The following PCNX2 variants were observed in gnomAD, a reference collection of about 807,000 sequenced individuals.
PCNX2 encodes pecanex-like protein 2.
Under a neutral mutation model 223.8 loss-of-function variants are expected in PCNX2, and 168 were observed. The ratio of observed to expected loss-of-function variants is 0.75; its 90% CI spans 0.66 to 0.85. PCNX2 has a LOEUF of 0.85. PCNX2 is among the 40% of genes least tolerant of loss of function. PCNX2 has a pLI of 0.00. For missense variants in PCNX2, 2,507 were observed against 2,675.5 expected, an observed-to-expected ratio of 0.94 and a Z score of 1.39; for synonymous variants, 1,006 against 1,052.6, an observed-to-expected ratio of 0.96 and a Z score of 0.86.
chr1:233,028,339 T>C (rs549462338), intron 25 of PCNX2, among the ~76,000 whole-genome samples: 1 of 152,374 alleles, frequency 6.6e-6, no homozygotes, highest in Non-Finnish European at 1.5e-5. Flanking sequence ...GTTAATGTGT[T>C]CAACTATAAT....
intron 5 of PCNX2, among the ~76,000 whole-genome samples, chr1:233,256,803 G>A (rs913628452): frequency 3.9e-5 from 6 of 152,112 alleles, no homozygotes; most frequent in Non-Finnish European, 5.9e-5. Context: ...TTTATATACC[G>A]CCCTGTCTGT....
At chr1:233,298,660 G>A (rs1438396899), upstream of PCNX2, among the ~76,000 whole-genome samples, 6 of 152,110 alleles carry the variant, frequency 3.9e-5, no homozygotes, top group East Asian at 1.9e-4. Context: ...AGGCCGAGGC[G>A]GGTGGATCAC....
At chr1:233,235,974 A>AT (rs1558376642) in intron 9 of PCNX2, among the ~76,000 whole-genome samples, 1 of 144,116 alleles carries the variant, frequency 6.9e-6, no homozygotes, top group African/African-American at 2.5e-5. Flanking sequence ...ATATATATAT[A>AT]TATATATATA....
At position 233,202,218 on chromosome 1, in the gene PCNX2, TAAA is replaced by T. The variant is rs1345455749; in HGVS notation, c.2864-1957_2864-1955del. 1.1e-5 allele frequency: 5 copies of T among 468,370 alleles called. No individual in the cohort carries two copies. In the East Asian group the frequency reaches 3.5e-4, roughly 33 times the overall value. 29.0% of individuals were successfully genotyped at this position (468,370 alleles called of 1,614,324 possible). ...ATTTTGTCCTTTTTTTTTTCAGAAG[TAAA>T]AAAGTCTTTGTGGCTGTTCATAATT... is the stretch of plus-strand genomic sequence containing the variant. On this transcript the variant is annotated intron_variant, in intron 13 of 33. Transcript: ENST00000258229.
intron 13 of PCNX2, 70 bp from the exon 14 acceptor site, chr1:233,200,334 T>G: frequency 9.5e-7 from 1 of 1,053,452 alleles, no homozygotes; most frequent in Non-Finnish European, 1.4e-6. Flanking sequence ...GCTGCAGTGC[T>G]GTCTCTCTCC....
chr1:233,320,830 C>T, the PCNX2 span, among the ~76,000 whole-genome samples: 25 of 152,114 alleles, frequency 1.6e-4, no homozygotes, highest in Admixed American at 1.3e-3. Flanking sequence ...GATATCACTA[C>T]CAATCTTATC....
chr1:233,025,124 T>A, intron 26 of PCNX2, 22 bp downstream of exon 26: 3 of 1,612,586 alleles, frequency 1.9e-6, no homozygotes, highest in Non-Finnish European at 2.5e-6. Flanking sequence ...CTGCCTTAGG[T>A]GTTTGGGAAA....
chr1:233,324,040 A>G, the PCNX2 span, among the ~76,000 whole-genome samples: 1 of 152,252 alleles, frequency 6.6e-6, no homozygotes, highest in East Asian at 1.9e-4. Context: ...GCTGATATGA[A>G]GAAAATTTTA....
At chr1:233,213,892 G>A (rs953474105) in intron 12 of PCNX2, among the ~76,000 whole-genome samples, 3 of 131,726 alleles carry the variant, frequency 2.3e-5, no homozygotes, top group Admixed American at 8.8e-5. Flanking sequence ...GTAGTGGCGC[G>A]ATCTTGGCTC....
intron 25 of PCNX2, among the ~76,000 whole-genome samples, chr1:233,028,343 C>G (rs1334813542): frequency 6.6e-6 from 1 of 152,170 alleles, no homozygotes; most frequent in Non-Finnish European, 1.5e-5. Context: ...ATGTGTTCAA[C>G]TATAATTGTA....
chr1:233,201,021 G>A (rs1294244161), intron 13 of PCNX2, among the ~76,000 whole-genome samples: 2 of 100,968 alleles, frequency 2.0e-5, no homozygotes, highest in East Asian at 3.4e-4. Flanking sequence ...GCAAGACTCC[G>A]TCTCAAAAAA....
At chr1:233,289,069 C>T (rs964990210) in intron 1 of PCNX2, 19 of 1,107,998 alleles carry the variant, frequency 1.7e-5, no homozygotes, top group Admixed American at 3.4e-5. Context: ...AGGATGGCAT[C>T]GTGCACAGCT....
At position 232,984,165 on chromosome 1, in the gene PCNX2, G is replaced by C; in HGVS notation, c.*139C>G. 1 of 339,348 alleles carries C rather than the reference G, an allele frequency of 2.9e-6. No homozygotes were observed. Among genetic ancestry groups the C allele is most frequent in the Non-Finnish European group, 4.8e-6 (1 of 208,490 alleles). 21.0% of individuals were successfully genotyped at this position (339,348 alleles called of 1,614,324 possible). On this transcript the variant is annotated 3_prime_UTR_variant, in exon 34 of 34. Transcript: ENST00000258229. ...AACCTGAGATCAGTTCTGTGTTCTG[G>C]AACAGCTCTCCTTTTCCACAGGAGG...
At chr1:233,203,441 C>G (rs1681249335) in intron 13 of PCNX2, among the ~76,000 whole-genome samples, 1 of 152,018 alleles carries the variant, frequency 6.6e-6, no homozygotes, top group African/African-American at 2.4e-5. Flanking sequence ...AATATTTTTT[C>G]TTATAATGAA....
intron 23 of PCNX2, among the ~76,000 whole-genome samples, chr1:233,075,836 C>T (rs1673073895): frequency 6.6e-6 from 1 of 151,984 alleles, no homozygotes; most frequent in African/African-American, 2.4e-5. Flanking sequence ...CGTGCTTACA[C>T]CTTAAATTAG....
chr1:233,310,718 G>T, the PCNX2 span, among the ~76,000 whole-genome samples: 7 of 152,246 alleles, frequency 4.6e-5, no homozygotes, highest in African/African-American at 1.7e-4. Flanking sequence ...AAGAAAAGAG[G>T]TTTATTTGGC....
chr1:233,289,128 T>G, intron 1 of PCNX2: 1 of 893,238 alleles, frequency 1.1e-6, no homozygotes, highest in Non-Finnish European at 1.9e-6. Context: ...TGTACAGCTT[T>G]TCCAAGTTGG....
chr1:233,020,065 T>G (rs992320144), intron 26 of PCNX2, among the ~76,000 whole-genome samples: 10 of 152,216 alleles, frequency 6.6e-5, no homozygotes, highest in Non-Finnish European at 1.2e-4. Flanking sequence ...AGACAAAAGT[T>G]TACGTTTTCA....
Position 233,200,174 on chromosome 1 carries a change from A to T in PCNX2, c.2954T>A (p.Met985Lys), listed in dbSNP as rs1369953583. The stretch of plus-strand genomic sequence containing the variant: ...CTTACCAGAACCACCAAAAAACAGC[A>T]TGTCAATTTGCTCCAAAAGATAAGT... ...FCTYLLEQID[M>K]LFFGGSAVSG... is the part of the protein sequence containing the mutation. The change falls in exon 14 of 34, where the codon ATG becomes AAG. Residue 985 changes from methionine (M) to lysine (K), a missense_variant. Around this residue, in one of 3 missense-constraint regions of PCNX2, gnomAD observed 1,372 missense variants for 1,509.4 expected, o/e 0.91. Transcript: ENST00000258229. The T allele has an allele frequency of 1.9e-6, 3 of 1,588,172 alleles. No homozygotes were observed. In the Admixed American group the frequency reaches 5.3e-5, roughly 28 times the overall value.
Sources: allele counts gnomAD v4.1 joint callset (sites outside exome capture counted in the v4.1 genomes callset), GRCh38; gene constraint gnomAD v4.1.1; regional missense constraint gnomAD v4.1.1; transcripts MANE v1.5; gene names NCBI Gene and HGNC (gene_info 2026-07-23, HGNC 2026-07-21).